USO1: variants seen among roughly 807,000 people sequenced by gnomAD.
The protein encoded by USO1 is general vesicular transport factor p115.
A neutral mutation model predicts 124.5 loss-of-function variants in USO1; 57 were observed. The observed-to-expected ratio is 0.46, with a 90% confidence interval of 0.37 to 0.57. The LOEUF (loss-of-function observed/expected upper bound fraction) is 0.57. Ranked by LOEUF, USO1 falls within the 20% of genes least tolerant of loss-of-function variation. The probability of loss-of-function intolerance (pLI) is 0.00; values close to 1 mark genes in which losing one functional copy is unlikely to be tolerated. For missense variants in USO1, 900 were observed against 1,040.6 expected (o/e 0.86, Z 1.86); for synonymous variants, 369 against 362.8 (o/e 1.02, Z -0.19).
At chr4:75,794,005 T>C in intron 13 of USO1, 104 bp downstream of exon 13, 1 of 1,453,754 alleles carries the variant, frequency 6.9e-7, no homozygotes, top group African/African-American at 1.4e-5. Flanking sequence ...CAGAGAAGAC[T>C]TATTCTGTTT....
chr4:75,803,676 A>G (rs1448796267), intron 17 of USO1, among the ~76,000 whole-genome samples: 2 of 151,592 alleles, frequency 1.3e-5, no homozygotes, highest in Non-Finnish European at 2.9e-5. Context: ...AAAAAAATAC[A>G]TCAAATTCCA....
At chr4:75,804,438 A>G (rs1303973545) in intron 18 of USO1, among the ~76,000 whole-genome samples, 166 bp downstream of exon 18, 1 of 152,240 alleles carries the variant, frequency 6.6e-6, no homozygotes, top group East Asian at 1.9e-4. Context: ...AGTTAAGAGC[A>G]GTTAAGACTG....
chr4:75,772,691 C>G (rs938603473), intron 7 of USO1, among the ~76,000 whole-genome samples: 3 of 152,010 alleles, frequency 2.0e-5, no homozygotes, highest in African/African-American at 7.2e-5. Flanking sequence ...TTTCCATGTC[C>G]TGCAATTTAA....
chr4:75,728,558 G>T (rs991195733), intron 1 of USO1, among the ~76,000 whole-genome samples: 3 of 152,282 alleles, frequency 2.0e-5, no homozygotes, highest in South Asian at 4.1e-4. Context: ...GCTGAGGCAG[G>T]AGAATCGAGG....
intron 8 of USO1, among the ~76,000 whole-genome samples, chr4:75,775,931 AAG>A (rs1405857133): frequency 6.6e-6 from 1 of 152,218 alleles, no homozygotes; most frequent in Non-Finnish European, 1.5e-5. Flanking sequence ...AGGTTTTAGT[AAG>A]AGAGGATTAT....
chr4:75,739,069 G>T (rs1720880007), intron 1 of USO1, among the ~76,000 whole-genome samples: 1 of 151,978 alleles, frequency 6.6e-6, no homozygotes, highest in East Asian at 1.9e-4. Flanking sequence ...CGCCAGGCTG[G>T]TCTCAAACTC....
intron 8 of USO1, among the ~76,000 whole-genome samples, chr4:75,778,684 A>C (rs1722137605): frequency 6.6e-6 from 1 of 152,196 alleles, no homozygotes; most frequent in South Asian, 2.1e-4. Flanking sequence ...TCTGTATGAT[A>C]CTGTAATGGT....
chr4:75,806,655 A>G, intron 20 of USO1, 83 bp downstream of exon 20: 1 of 1,481,402 alleles, frequency 6.8e-7, no homozygotes, highest in Non-Finnish European at 9.0e-7. Context: ...ACAAATCTAG[A>G]ACTATATTAG....
chr4:75,771,067 G>C lies in USO1; in HGVS notation c.500-15G>C, dbSNP rs776669525. 8 of 1,606,502 alleles carry C rather than the reference G, an allele frequency of 5.0e-6. No homozygotes were observed. In the African/African-American group the frequency reaches 9.4e-5, roughly 19 times the overall value. On this transcript the variant is annotated splice_polypyrimidine_tract_variant and intron_variant, in intron 6 of 23. Coordinates refer to ENST00000514213, the MANE Select transcript of USO1 (RefSeq NM_003715.4). ...TTTGGTCTGCCAGCATTTTTCACAT[G>C]GTTGTATGTTCTAGGTGTTTCAAGA...
At chr4:75,728,872 C>T (rs112259671) in intron 1 of USO1, among the ~76,000 whole-genome samples, 1 of 151,988 alleles carries the variant, frequency 6.6e-6, no homozygotes, top group African/African-American at 2.4e-5. Flanking sequence ...AATCTTGGCT[C>T]ACTGCAAGCT....
chr4:75,780,203 A>G (rs1041661867), intron 8 of USO1, among the ~76,000 whole-genome samples: 7 of 152,174 alleles, frequency 4.6e-5, no homozygotes, highest in African/African-American at 1.4e-4. Context: ...TCAAAATATT[A>G]CTTCTCATTG....
At chr4:75,809,282 C>T (rs79893504) in intron 21 of USO1, among the ~76,000 whole-genome samples, 1 of 143,616 alleles carries the variant, frequency 7.0e-6, no homozygotes, top group East Asian at 2.2e-4. Context: ...GCTGGTATTA[C>T]ATTCTATTTC....
chr4:75,726,567 C>A (rs1249887043), intron 1 of USO1, among the ~76,000 whole-genome samples: 17 of 143,096 alleles, frequency 1.2e-4, no homozygotes, highest in South Asian at 2.2e-4. Flanking sequence ...GACTCCATCT[C>A]AAAAAAAAAA....
chr4:75,750,884 G>A (rs1173455356), intron 1 of USO1, among the ~76,000 whole-genome samples: 1 of 152,100 alleles, frequency 6.6e-6, no homozygotes, highest in African/African-American at 2.4e-5. Context: ...TACAGTTTTA[G>A]GTTTCCAAAT....
rs1415310112 is a variant in USO1 at position 75,800,704 on chromosome 4, A to G, written c.1769A>G (p.Tyr590Cys). 2 of 1,609,574 alleles carry G rather than the reference A, an allele frequency of 1.2e-6. No individual in the cohort carries two copies. The highest frequency in any genetic ancestry group is 2.2e-5 in the South Asian group (2 of 89,920). ...GGATTTATTAGCAAACATGAGTTGT[A>G]TTCCAGAGCATCTCAGAAACCCCAG... ...KLGFISKHEL[Y>C]SRASQKPQPN... Residue 590 changes from tyrosine to cysteine, a missense_variant, in exon 16 of 24, where the codon TAT becomes TGT. Tyr to Cys is a radical substitution (Grantham distance 194). Around this residue, in one of 2 missense-constraint regions of USO1, gnomAD observed 538 missense variants for 681.6 expected, o/e 0.79. Coordinates refer to ENST00000514213, the MANE Select transcript of USO1 (RefSeq NM_003715.4).
chr4:75,806,423 GTT>G (rs11312984), intron 19 of USO1, 61 bp from the exon 20 acceptor site: 6 of 1,522,084 alleles, frequency 3.9e-6, no homozygotes, highest in African/African-American at 1.4e-5. Context: ...GTACAGTTCT[GTT>G]TTTTTTTCTC....
At chr4:75,733,475 T>G (rs1417562650) in intron 1 of USO1, among the ~76,000 whole-genome samples, 2 of 152,112 alleles carry the variant, frequency 1.3e-5, no homozygotes, top group East Asian at 1.9e-4. Context: ...CTAACATCTG[T>G]TTTTTGTTTG....
At chr4:75,806,652 T>C (rs1337438779) in intron 20 of USO1, 80 bp downstream of exon 20, 1 of 1,483,106 alleles carries the variant, frequency 6.7e-7, no homozygotes, top group Non-Finnish European at 9.0e-7. Context: ...TTCACAAATC[T>C]AGAACTATAT....
chr4:75,732,971 G>A (rs149533171), intron 1 of USO1, among the ~76,000 whole-genome samples: 10 of 143,076 alleles, frequency 7.0e-5, no homozygotes, highest in South Asian at 2.3e-4. Flanking sequence ...ATAAAATCAC[G>A]TCTGTAGGGC....
Sources: allele counts gnomAD v4.1 joint callset (sites outside exome capture counted in the v4.1 genomes callset), GRCh38; gene constraint gnomAD v4.1.1; regional missense constraint gnomAD v4.1.1; transcripts MANE v1.5; gene names NCBI Gene and HGNC (gene_info 2026-07-23, HGNC 2026-07-21).